TAFA4: variants seen among roughly 807,000 people sequenced by gnomAD.
TAFA4 encodes the protein chemokine-like protein TAFA-4.
Under a neutral mutation model 21.1 loss-of-function variants are expected in TAFA4, and 20 were observed. That is an observed-to-expected ratio of 0.95 (90% CI 0.67 to 1.38). The LOEUF is 1.38. TAFA4 is among the 40% of genes most tolerant of loss of function. The pLI is 0.00. For missense variants in TAFA4, 211 were observed against 180.9 expected (o/e 1.17, Z -0.95); for synonymous variants, 71 against 67.4 (o/e 1.05, Z -0.26).
intron 3 of TAFA4, among the ~76,000 whole-genome samples, chr3:68,851,362 A>G (rs1198962560): frequency 6.6e-6 from 1 of 152,126 alleles, no homozygotes; most frequent in African/African-American, 2.4e-5. Context: ...AGGGAGGGAG[A>G]ACATTAGGAA....
chr3:68,878,463 T>C (rs370217538), intron 3 of TAFA4, among the ~76,000 whole-genome samples: 7 of 152,350 alleles, frequency 4.6e-5, no homozygotes, highest in African/African-American at 1.7e-4. Flanking sequence ...GGAGTTGAGT[T>C]TCTGAAACTT....
chr3:68,883,496 T>C (rs2089639714), intron 2 of TAFA4, among the ~76,000 whole-genome samples: 1 of 152,186 alleles, frequency 6.6e-6, no homozygotes, highest in African/African-American at 2.4e-5. Flanking sequence ...GCCTTACAGG[T>C]GTAATTTAAT....
At chr3:68,773,408 A>G (rs1050382403) in intron 3 of TAFA4, among the ~76,000 whole-genome samples, 2 of 152,172 alleles carry the variant, frequency 1.3e-5, no homozygotes, top group Non-Finnish European at 2.9e-5. Context: ...GTGTTCACCA[A>G]TCAGGAAGTT....
intron 3 of TAFA4, among the ~76,000 whole-genome samples, chr3:68,834,662 T>C (rs11926407): frequency 0.14 from 21,385 of 151,974 alleles, 2,165 homozygotes; most frequent in African/African-American, 0.29. Flanking sequence ...CACCTCCTCA[T>C]CTCAGAAACA....
At chr3:68,866,651 TAAAAA>T (rs59878536) in intron 3 of TAFA4, among the ~76,000 whole-genome samples, 1 of 12,396 alleles carries the variant, frequency 8.1e-5, no homozygotes, top group Non-Finnish European at 1.2e-4. Context: ...ATAGCAGTTC[TAAAAA>T]AAAAAAAAAA....
At chr3:68,909,813 T>C (rs1039149316) in intron 1 of TAFA4, among the ~76,000 whole-genome samples, 1 of 152,216 alleles carries the variant, frequency 6.6e-6, no homozygotes, top group Non-Finnish European at 1.5e-5. Context: ...TCTCACAGTT[T>C]CTTTGGGTCG....
rs551420959 is a variant in TAFA4 at position 68,832,570 on chromosome 3, G to C, written c.130+48160C>G. ...TTCCTCTGGAAGCTTCATCCCAGAG[G>C]GGCACCCACCTGTATGAGGATCTGT... On this transcript the variant is annotated intron_variant, in intron 3 of 5. Coordinates refer to ENST00000295569, the MANE Select transcript of TAFA4 (RefSeq NM_182522.5). Among the ~76,000 whole-genome samples the C allele has an allele frequency of 3.7e-3, 560 of 152,250 alleles. 3 individuals carry two copies. The highest frequency in any genetic ancestry group is 0.013 in the African/African-American group (543 of 41,546).
At chr3:68,747,637 C>T (rs1295538434) in intron 4 of TAFA4, among the ~76,000 whole-genome samples, 4 of 152,154 alleles carry the variant, frequency 2.6e-5, no homozygotes, top group African/African-American at 9.7e-5. Flanking sequence ...GACTAATACA[C>T]ACACATGCAT....
intron 1 of TAFA4, among the ~76,000 whole-genome samples, chr3:68,924,294 T>A (rs1559565029): frequency 6.6e-6 from 1 of 152,246 alleles, no homozygotes; most frequent in Admixed American, 6.5e-5. Flanking sequence ...AATGGATTAT[T>A]CAGCCTTAAA....
chr3:68,808,315 A>G (rs1703748286), intron 3 of TAFA4, among the ~76,000 whole-genome samples: 1 of 152,086 alleles, frequency 6.6e-6, no homozygotes, highest in African/African-American at 2.4e-5. Context: ...CAGCAATTGA[A>G]AGCATCCTTT....
At chr3:68,744,029 A>C (rs1179712934) in intron 4 of TAFA4, among the ~76,000 whole-genome samples, 1 of 152,244 alleles carries the variant, frequency 6.6e-6, no homozygotes, top group African/African-American at 2.4e-5. Context: ...TAGAAAAGTT[A>C]CATAAATGTT....
At chr3:68,872,732 C>T (rs2089498157) in intron 3 of TAFA4, among the ~76,000 whole-genome samples, 1 of 152,046 alleles carries the variant, frequency 6.6e-6, no homozygotes, top group Admixed American at 6.6e-5. Context: ...AGACATAATA[C>T]CAAGCTCTTT....
In TAFA4 at chr3:68,932,404, A is replaced by T. The variant is rs533999179; in HGVS notation, c.-287T>A. The T allele has an allele frequency of 3.3e-5, 5 of 152,324 alleles. No homozygotes were observed. The highest frequency in any genetic ancestry group is 5.9e-5 in the Non-Finnish European group (4 of 68,130). 9.4% of individuals were successfully genotyped at this position (152,324 alleles called of 1,614,324 possible). The stretch of plus-strand genomic sequence containing the variant: ...GGAGAAGAAAAGTTCCCACGTCTCT[A>T]CCAGGAGAAGCCCGAAGCTCCTGCG... On this transcript the variant is annotated 5_prime_UTR_variant, in exon 1 of 6. Transcript: ENST00000295569.
intron 3 of TAFA4, among the ~76,000 whole-genome samples, chr3:68,768,882 T>TA (rs1464641998): frequency 6.6e-6 from 1 of 152,136 alleles, no homozygotes; most frequent in Non-Finnish European, 1.5e-5. Context: ...ATGTGCAATC[T>TA]AACCATGCTG....
intron 3 of TAFA4, among the ~76,000 whole-genome samples, chr3:68,779,597 G>A (rs529230820): frequency 2.0e-5 from 3 of 152,216 alleles, no homozygotes; most frequent in Non-Finnish European, 4.4e-5. Context: ...TTGCTTCAGA[G>A]GGTTGAAGCC....
chr3:68,876,349 C>G lies in TAFA4; in HGVS notation c.130+4381G>C, dbSNP rs115832764. Among the ~76,000 whole-genome samples the G allele has an allele frequency of 7.9e-3, 1,202 of 152,240 alleles. 13 individuals are homozygous for G. Among genetic ancestry groups the G allele is most frequent in the African/African-American group, 0.028 (1,150 of 41,532 alleles). ...TAGGCAATGCAGGCAAATCATTTTT[C>G]AAACGCATCTGTGTTAAGTACAATT... is the stretch of plus-strand genomic sequence containing the variant. On this transcript the variant is annotated intron_variant, in intron 3 of 5. Coordinates refer to ENST00000295569, the MANE Select transcript of TAFA4 (RefSeq NM_182522.5).
At chr3:68,931,706 A>T (rs2090159837) in intron 1 of TAFA4, among the ~76,000 whole-genome samples, 1 of 144,460 alleles carries the variant, frequency 6.9e-6, no homozygotes, top group African/African-American at 2.5e-5. Context: ...TCCCAGCTGG[A>T]AGACGCCTCC....
intron 1 of TAFA4, among the ~76,000 whole-genome samples, chr3:68,905,150 CTTTTTTTT>C (rs145187037): frequency 1.2e-5 from 1 of 85,262 alleles, no homozygotes; most frequent in East Asian, 3.4e-4. Flanking sequence ...AGATTTCTGC[CTTTTTTTT>C]TTTTTTTTTT....
intron 3 of TAFA4, among the ~76,000 whole-genome samples, chr3:68,840,081 G>A (rs537658031): frequency 6.6e-6 from 1 of 152,286 alleles, no homozygotes; most frequent in East Asian, 1.9e-4. Context: ...GTTCCCTCAG[G>A]CTAAAGTCAC....
Sources: gnomAD v4.1 joint callset for allele counts (sites outside exome capture counted in the v4.1 genomes callset) on GRCh38, gnomAD v4.1.1 for gene constraint, MANE v1.5 for transcripts, NCBI Gene and HGNC (gene_info 2026-07-23, HGNC 2026-07-21) for gene names.